The following MPHOSPH10 variants were observed in gnomAD, a reference collection of about 807,000 sequenced individuals.
The protein encoded by MPHOSPH10 is U3 small nucleolar ribonucleoprotein MPP10.
A neutral mutation model predicts 77.3 loss-of-function variants in MPHOSPH10; 33 were observed. The ratio of observed to expected loss-of-function variants is 0.43; its 90% CI spans 0.32 to 0.57. The LOEUF (loss-of-function observed/expected upper bound fraction) is 0.57, where lower values mean the gene tolerates loss of function less well. Among genes scored for constraint, MPHOSPH10 ranks in the 20% least tolerant of loss-of-function variants. MPHOSPH10 has a pLI of 0.07. For missense variants in MPHOSPH10, 708 were observed against 780.1 expected, an observed-to-expected ratio of 0.91 and a Z score of 1.10; for synonymous variants, 245 against 268.0, an observed-to-expected ratio of 0.91 and a Z score of 0.84.
intron 7 of MPHOSPH10, among the ~76,000 whole-genome samples, chr2:71,142,027 ATC>A (rs1448792115): frequency 7.0e-6 from 1 of 143,144 alleles, no homozygotes; most frequent in African/African-American, 2.5e-5. Flanking sequence ...GTGAGACTCC[ATC>A]TCAAAAAAAG....
chr2:71,135,853 C>T (rs1572897694), intron 4 of MPHOSPH10, among the ~76,000 whole-genome samples: 1 of 151,484 alleles, frequency 6.6e-6, no homozygotes, highest in East Asian at 2.0e-4. Flanking sequence ...CAGATGCCCG[C>T]CACCACGCCC....
At chr2:71,147,440 G>A (rs916628347) in intron 8 of MPHOSPH10, among the ~76,000 whole-genome samples, 69 of 152,148 alleles carry the variant, frequency 4.5e-4, no homozygotes, top group Non-Finnish European at 1.3e-4. Flanking sequence ...TTGGGAGGCC[G>A]AGGCGGGCAG....
chr2:71,138,634 A>G lies in MPHOSPH10; in HGVS notation c.1240+3A>G. ...CTTTGACCATGCTGTCCGGATGGGTATGGTGCCCTCTTCTGTAGTTTTCAT... is the reference window on the plus strand; with the variant it reads ...CTTTGACCATGCTGTCCGGATGGGTGTGGTGCCCTCTTCTGTAGTTTTCAT... On this transcript the variant is annotated splice_donor_region_variant and intron_variant, in intron 5 of 10. Coordinates refer to ENST00000244230, the MANE Select transcript of MPHOSPH10 (RefSeq NM_005791.3). The G allele has an allele frequency of 6.2e-7, 1 of 1,614,156 alleles. No homozygotes were observed. The highest frequency in any genetic ancestry group is 8.5e-7 in the Non-Finnish European group (1 of 1,180,018).
chr2:71,142,088 A>G (rs1030946629), intron 7 of MPHOSPH10, among the ~76,000 whole-genome samples: 3 of 152,220 alleles, frequency 2.0e-5, no homozygotes, highest in African/African-American at 7.2e-5. Context: ...ACAAGGTCCT[A>G]TTCCTAGGAA....
intron 4 of MPHOSPH10, among the ~76,000 whole-genome samples, chr2:71,136,517 A>G (rs899543162): frequency 1.3e-5 from 2 of 152,178 alleles, no homozygotes; most frequent in African/African-American, 4.8e-5. Flanking sequence ...ACTGTCTGAA[A>G]AAATTAAAAA....
In MPHOSPH10 at chr2:71,130,691, G is replaced by T. The variant is rs1247951687; in HGVS notation, c.26G>T (p.Arg9Leu). 9 of 1,610,320 alleles carry T rather than the reference G, an allele frequency of 5.6e-6. 1 individual carries two copies. The South Asian group carries it at 8.8e-5, about 16-fold the overall frequency. MAPQVWRRRTLERCLTEVG... is the reference protein window; with the variant it reads MAPQVWRRLTLERCLTEVG... ...ATGGCGCCGCAGGTCTGGCGTCGACGGACCCTGGAGCGGTGTCTGACGGAA... is the reference window on the plus strand; with the variant it reads ...ATGGCGCCGCAGGTCTGGCGTCGACTGACCCTGGAGCGGTGTCTGACGGAA... The change falls in exon 1 of 11, where the codon CGG becomes CTG. Residue 9 changes from arginine to leucine, a missense_variant. By Grantham distance (102) the Arg-to-Leu change is moderately radical. Coordinates refer to ENST00000244230, the MANE Select transcript of MPHOSPH10 (RefSeq NM_005791.3).
intron 4 of MPHOSPH10, among the ~76,000 whole-genome samples, chr2:71,136,899 A>G (rs964091017): frequency 7.4e-6 from 1 of 135,068 alleles, no homozygotes; most frequent in African/African-American, 2.9e-5. Flanking sequence ...CAAACCTGAC[A>G]GAGGTAGCAT....
intron 7 of MPHOSPH10, chr2:71,144,196 G>A (rs776859461): frequency 6.0e-6 from 2 of 333,374 alleles, no homozygotes; most frequent in Non-Finnish European, 1.1e-5. Context: ...AAATTTTTAA[G>A]TTCTGAGTAT....
At chr2:71,148,251 A>G in intron 9 of MPHOSPH10, 145 bp downstream of exon 9, 1 of 634,032 alleles carries the variant, frequency 1.6e-6, no homozygotes, top group South Asian at 2.0e-5. Context: ...GCAAACTAGT[A>G]ATGTTATAAT....
chr2:71,146,256 C>G (rs2103679982), intron 8 of MPHOSPH10, among the ~76,000 whole-genome samples: 1 of 150,812 alleles, frequency 6.6e-6, no homozygotes, highest in East Asian at 1.9e-4. Flanking sequence ...CTTGATATTA[C>G]TTTTTTCATG....
chr2:71,134,522 A>G (rs1332073635), intron 3 of MPHOSPH10, 104 bp from the exon 4 acceptor site: 4 of 1,026,796 alleles, frequency 3.9e-6, no homozygotes, highest in Admixed American at 2.7e-5. Flanking sequence ...ATTTGGTTGC[A>G]TTAGGTATAT....
intron 4 of MPHOSPH10, 99 bp downstream of exon 4, chr2:71,134,896 G>T: frequency 1.0e-6 from 1 of 973,120 alleles, no homozygotes; most frequent in East Asian, 2.5e-5. Context: ...GCCAGGTGCA[G>T]TGGCTCACGC....
At chr2:71,135,696 CTTTTTCTTTTTT>C (rs1418202483) in intron 4 of MPHOSPH10, among the ~76,000 whole-genome samples, 2 of 144,000 alleles carry the variant, frequency 1.4e-5, no homozygotes, top group South Asian at 2.2e-4. Flanking sequence ...TTTTCTTTTT[CTTTTTCTTTTTT>C]TTTTTTTTTT....
At position 71,134,062 on chromosome 2, in the gene MPHOSPH10, G is replaced by T; in HGVS notation, c.883G>T (p.Glu295Ter). 1 of 1,609,668 alleles carries T rather than the reference G, an allele frequency of 6.2e-7. No homozygotes were observed. Among genetic ancestry groups the T allele is most frequent in the South Asian group, 1.1e-5 (1 of 90,328 alleles). Residue 295 changes from glutamate (E) to a stop codon, truncating the protein, a stop_gained, in exon 3 of 11, where the codon GAA becomes TAA. Coordinates refer to ENST00000244230, the MANE Select transcript of MPHOSPH10 (RefSeq NM_005791.3). LOFTEE classifies it high-confidence loss of function. ...DELDSNKEDD[E>*]IAEEEAEELS... is the part of the protein sequence containing the mutation. ...GCTGGATTCAAACAAAGAAGATGATGAAATTGCTGAAGAAGAAGCAGAAGA... is the reference window on the plus strand; with the variant it reads ...GCTGGATTCAAACAAAGAAGATGATTAAATTGCTGAAGAAGAAGCAGAAGA...
intron 1 of MPHOSPH10, among the ~76,000 whole-genome samples, chr2:71,131,289 C>G (rs1029004732): frequency 1.3e-5 from 2 of 152,232 alleles, no homozygotes; most frequent in Non-Finnish European, 2.9e-5. Flanking sequence ...TCCCAGCTCA[C>G]AGCAACTACA....
rs908447192 is a variant in MPHOSPH10 at position 71,149,558 on chromosome 2, G to A, written c.1896+105G>A. The A allele has an allele frequency of 5.3e-5, 56 of 1,061,298 alleles. No individual in the cohort carries two copies. In the African/African-American group the frequency reaches 8.2e-4, roughly 16 times the overall value. 65.7% of individuals were successfully genotyped at this position (1,061,298 alleles called of 1,614,324 possible). A position where few individuals can be genotyped will look rare whatever the true frequency, so the allele number is the denominator to read the frequency against. Reference sequence around the variant, plus strand: ...CTGAGCCAGCTGACAGCCCACCTGCGGGATAGAGATGCATGATGCTGACTG... The same window carrying A: ...CTGAGCCAGCTGACAGCCCACCTGCAGGATAGAGATGCATGATGCTGACTG... On this transcript the variant is annotated intron_variant, in intron 10 of 10. Transcript: ENST00000244230.
At chr2:71,146,357 A>G (rs1464701835) in intron 8 of MPHOSPH10, among the ~76,000 whole-genome samples, 1 of 103,142 alleles carries the variant, frequency 9.7e-6, no homozygotes, top group Non-Finnish European at 1.9e-5. Flanking sequence ...TTTTTTTGAG[A>G]CAGAATCTCA....
chr2:71,145,807 TC>T (rs1446637379), intron 8 of MPHOSPH10, among the ~76,000 whole-genome samples: 1 of 152,076 alleles, frequency 6.6e-6, no homozygotes, highest in Non-Finnish European at 1.5e-5. Context: ...GCAGGCCAAG[TC>T]CCTTGCGCTT....
At chr2:71,133,672 G>T in intron 2 of MPHOSPH10, 96 bp downstream of exon 2, 1 of 1,295,000 alleles carries the variant, frequency 7.7e-7, no homozygotes. Context: ...AAGATTTAGT[G>T]ATAAGAAATA....
Sources: allele counts gnomAD v4.1 joint callset (sites outside exome capture counted in the v4.1 genomes callset), GRCh38; gene constraint gnomAD v4.1.1; transcripts MANE v1.5; gene names NCBI Gene and HGNC (gene_info 2026-07-23, HGNC 2026-07-21).